The following ZNF525 variants were observed in gnomAD, a reference collection of about 807,000 sequenced individuals.
The protein encoded by ZNF525 is zinc finger protein 525.
Under a neutral mutation model 37.6 loss-of-function variants are expected in ZNF525, and 33 were observed. The observed-to-expected ratio is 0.88, with a 90% CI of 0.67 to 1.17. The LOEUF (loss-of-function observed/expected upper bound fraction) is 1.17. Ranked by LOEUF, ZNF525 falls within the 50% of genes most tolerant of loss-of-function variation. The probability of loss-of-function intolerance (pLI) is 0.00; values close to 1 mark genes in which losing one functional copy is unlikely to be tolerated. For synonymous variants in ZNF525, 170 were observed against 182.3 expected (o/e 0.93, Z 0.54); for missense variants, 449 against 543.1 (o/e 0.83, Z 1.72).
chr19:53,380,446 G>T (rs556858733), intron 3 of ZNF525, among the ~76,000 whole-genome samples: 4 of 152,068 alleles, frequency 2.6e-5, no homozygotes, highest in Non-Finnish European at 5.9e-5. Flanking sequence ...ACTTTTCATT[G>T]ATGTGACAGT....
intron 1 of ZNF525, among the ~76,000 whole-genome samples, chr19:53,371,581 C>G (rs1203869970): frequency 1.3e-5 from 2 of 152,154 alleles, no homozygotes; most frequent in South Asian, 2.1e-4. Context: ...GTTGACCATG[C>G]TGGTCTCAGA....
Position 53,382,512 on chromosome 19 carries a change from A to C in ZNF525, c.*493A>C. 2 of 681,150 alleles carry C rather than the reference A, an allele frequency of 2.9e-6. No homozygotes were observed. Among genetic ancestry groups the C allele is most frequent in the Non-Finnish European group, 5.5e-6 (2 of 364,598 alleles). 42.2% of individuals were successfully genotyped at this position (681,150 alleles called of 1,614,324 possible). On this transcript the variant is annotated 3_prime_UTR_variant, in exon 4 of 4. Transcript: ENST00000474037. The stretch of plus-strand genomic sequence containing the variant: ...GTGTAATGAGTGTGGCAAGACCTTC[A>C]GTAAGGAGTTAACACATGCCATCAT...
Position 53,382,500 on chromosome 19 carries a change from G to A in ZNF525, c.*481G>A. On this transcript the variant is annotated 3_prime_UTR_variant, in exon 4 of 4. Coordinates refer to ENST00000474037, the MANE Select transcript of ZNF525 (RefSeq NM_001348156.2). ...TAAATCTTATAAGTGTAATGAGTGT[G>A]GCAAGACCTTCAGTAAGGAGTTAAC... 1 of 693,850 alleles carries A rather than the reference G, an allele frequency of 1.4e-6. No individual in the cohort carries two copies. Among genetic ancestry groups the A allele is most frequent in the Non-Finnish European group, 2.7e-6 (1 of 374,110 alleles). The allele number at this position is 693,850 out of a possible 1,614,324, so 43.0% of individuals were successfully genotyped here.
rs538718131 is a variant in ZNF525 at position 53,381,530 on chromosome 19, T to C, written c.951T>C (p.His317=). 1.6e-6 allele frequency: 2 copies of C among 1,250,272 alleles called. No homozygotes were observed. Among genetic ancestry groups the C allele is most frequent in the South Asian group, 1.2e-5 (1 of 83,544 alleles). 77.4% of individuals were successfully genotyped at this position (1,250,272 alleles called of 1,614,324 possible). A position where few individuals can be genotyped will look rare whatever the true frequency, so the allele number is the denominator to read the frequency against. The change falls in exon 4 of 4, where the codon CAT becomes CAC. Residue 317 remains histidine (H), a synonymous_variant. Coordinates refer to ENST00000474037, the MANE Select transcript of ZNF525 (RefSeq NM_001348156.2). ...AFRHNSALQR[H]RRIHTGEKPH... ...GACACAATTCAGCCCTTCAAAGACA[T>C]AGGAGAATTCATACTGGAGAGAAAC...
chr19:53,381,896 C>T lies in ZNF525; in HGVS notation c.1317C>T (p.Tyr439=). Residue 439 remains tyrosine (Y), a synonymous_variant, in exon 4 of 4, where the codon TAC becomes TAT. Transcript: ENST00000474037. ...HRRIHNGEKL[Y]KCNECGKTFS... is the part of the protein sequence containing the mutation. ...GAATTCATAATGGAGAGAAACTGTA[C>T]AAATGTAATGAGTGTGGCAAGACCT... is the stretch of plus-strand genomic sequence containing the variant. 1.0e-6 allele frequency: 1 copy of T among 986,130 alleles called. No individual in the cohort carries two copies. 61.1% of individuals were successfully genotyped at this position (986,130 alleles called of 1,614,324 possible).
In ZNF525 at chr19:53,381,924, A is replaced by T. The variant is rs762943637; in HGVS notation, c.1345A>T (p.Ser449Cys). 3.4e-5 allele frequency: 33 copies of T among 968,644 alleles called. No homozygotes were observed. The South Asian group carries it at 3.7e-4, about 11-fold the overall frequency. 60.0% of individuals were successfully genotyped at this position (968,644 alleles called of 1,614,324 possible). Residue 449 changes from serine (S) to cysteine (C), a missense_variant, in exon 4 of 4, where the codon AGT (serine) becomes TGT (cysteine). Coordinates refer to ENST00000474037, the MANE Select transcript of ZNF525 (RefSeq NM_001348156.2). ...ATGTAATGAGTGTGGCAAGACCTTCAGTCAGGAGTTATCCCTTACCTGCCA... is the reference window on the plus strand; with the variant it reads ...ATGTAATGAGTGTGGCAAGACCTTCTGTCAGGAGTTATCCCTTACCTGCCA... ...YKCNECGKTF[S>C]QELSLTCHCR...
chr19:53,377,467 C>T (rs1441280222), intron 3 of ZNF525, among the ~76,000 whole-genome samples: 5 of 148,924 alleles, frequency 3.4e-5, no homozygotes, highest in South Asian at 2.2e-4. Context: ...TGAAAAACTG[C>T]GCCCGGCCTA....
intron 3 of ZNF525, chr19:53,376,387 T>C (rs1457275471): frequency 1.5e-6 from 1 of 689,566 alleles, no homozygotes; most frequent in Non-Finnish European, 2.6e-6. Flanking sequence ...ATTTGAAATA[T>C]TACTGATGCA....
At position 53,386,416 on chromosome 19, in the gene ZNF525, T is replaced by G. The variant is rs920194382; in HGVS notation, c.*4397T>G. ...AATTGCATGTGAGATGGCACACATA[T>G]TTATGCTGTCTGAGCATCACAATCA... On this transcript the variant is annotated 3_prime_UTR_variant, in exon 4 of 4. Coordinates refer to ENST00000474037, the MANE Select transcript of ZNF525 (RefSeq NM_001348156.2). 2 of 815,486 alleles carry G rather than the reference T, an allele frequency of 2.5e-6. No homozygotes were observed. Among genetic ancestry groups the G allele is most frequent in the Non-Finnish European group, 4.1e-6 (2 of 482,204 alleles). The allele number at this position is 815,486 out of a possible 1,614,324, so 50.5% of individuals were successfully genotyped here. A position where few individuals can be genotyped will look rare whatever the true frequency, so the allele number is the denominator to read the frequency against.
intron 2 of ZNF525, among the ~76,000 whole-genome samples, chr19:53,374,800 C>T (rs2085510503): frequency 6.6e-6 from 1 of 152,054 alleles, no homozygotes; most frequent in Non-Finnish European, 1.5e-5. Context: ...TTTTGTGAGT[C>T]TGTGTAGGTC....
At position 53,380,702 on chromosome 19, in the gene ZNF525, T is replaced by C. The variant is rs777995136; in HGVS notation, c.143-20T>C. On this transcript the variant is annotated intron_variant, in intron 3 of 3. Coordinates refer to ENST00000474037, the MANE Select transcript of ZNF525 (RefSeq NM_001348156.2). ...ATCAGTATTGTCTTTTGTGTACCTA[T>C]TAGTGTTTATATTTTGTAGGTATCT... 4 of 1,044,022 alleles carry C rather than the reference T, an allele frequency of 3.8e-6. No homozygotes were observed. The East Asian group carries it at 9.5e-5, about 25-fold the overall frequency. The allele number at this position is 1,044,022 out of a possible 1,614,324, so 64.7% of individuals were successfully genotyped here.
chr19:53,384,727 C>T lies in ZNF525; in HGVS notation c.*2708C>T. The T allele has an allele frequency of 2.2e-6, 1 of 446,952 alleles. No individual in the cohort carries two copies. The highest frequency in any genetic ancestry group is 4.0e-6 in the Non-Finnish European group (1 of 250,820). The allele number at this position is 446,952 out of a possible 1,614,324, so 27.7% of individuals were successfully genotyped here. ...TTTTCTACACAGAAGGTCATGTCGTCTACAAACAAATGTAATTTTACTTCT... is the reference window on the plus strand; with the variant it reads ...TTTTCTACACAGAAGGTCATGTCGTTTACAAACAAATGTAATTTTACTTCT... On this transcript the variant is annotated 3_prime_UTR_variant, in exon 4 of 4. Coordinates refer to ENST00000474037, the MANE Select transcript of ZNF525 (RefSeq NM_001348156.2).
chr19:53,373,496 TGCCATAAA>T (rs2085501688), intron 2 of ZNF525, among the ~76,000 whole-genome samples: 1 of 152,216 alleles, frequency 6.6e-6, no homozygotes, highest in Non-Finnish European at 1.5e-5. Context: ...TTATACCCTT[TGCCATAAA>T]GCATCTTCTT....
At position 53,380,972 on chromosome 19, in the gene ZNF525, T is replaced by C; in HGVS notation, c.393T>C (p.Ala131=). 1 of 1,590,954 alleles carries C rather than the reference T, an allele frequency of 6.3e-7. No homozygotes were observed. The highest frequency in any genetic ancestry group is 8.6e-7 in the Non-Finnish European group (1 of 1,158,972). ...GSTEQYDHRH[A]GNKPIKYQLG... Reference sequence around the variant, plus strand: ...CAGAGCAATATGATCACAGGCATGCTGGAAACAAGCCTATTAAATATCAGC... The same window carrying C: ...CAGAGCAATATGATCACAGGCATGCCGGAAACAAGCCTATTAAATATCAGC... Residue 131 remains alanine (A), a synonymous_variant, in exon 4 of 4, where the codon GCT becomes GCC. Coordinates refer to ENST00000474037, the MANE Select transcript of ZNF525 (RefSeq NM_001348156.2).
rs568839122 is a variant in ZNF525 at position 53,370,555 on chromosome 19, A to C, written c.-67-1660A>C. ...TGAGGGGCTAGACCAGAAAAGCTCA[A>C]CCCGAGTGACCCTGGCCCCTTAAAT... is the stretch of plus-strand genomic sequence containing the variant. On this transcript the variant is annotated intron_variant, in intron 1 of 3. Transcript: ENST00000474037. 5.9e-3 allele frequency among the ~76,000 whole-genome samples: 895 copies of C among 152,208 alleles called. 9 individuals are homozygous for C. Among genetic ancestry groups the C allele is most frequent in the African/African-American group, 0.021 (853 of 41,522 alleles).
chr19:53,383,627 ATC>A lies in ZNF525; in HGVS notation c.*1609_*1610del. ...GTCAACACTTATTCACCATCAGGCAATCCGTAGTGTAGGGAAACTTGACTAAC... is the reference window on the plus strand; with the variant it reads ...GTCAACACTTATTCACCATCAGGCAACGTAGTGTAGGGAAACTTGACTAAC... On this transcript the variant is annotated 3_prime_UTR_variant, in exon 4 of 4. Transcript: ENST00000474037. The A allele has an allele frequency of 7.9e-7, 1 of 1,263,416 alleles. No homozygotes were observed. The highest frequency in any genetic ancestry group is 1.1e-6 in the Non-Finnish European group (1 of 918,472). The allele number at this position is 1,263,416 out of a possible 1,614,324, so 78.3% of individuals were successfully genotyped here. A position where few individuals can be genotyped will look rare whatever the true frequency, so the allele number is the denominator to read the frequency against.
At chr19:53,366,761 G>C (rs1364568054) in intron 1 of ZNF525, among the ~76,000 whole-genome samples, 8 of 148,026 alleles carry the variant, frequency 5.4e-5, no homozygotes, top group Non-Finnish European at 1.0e-4. Flanking sequence ...ACAGCAGGGA[G>C]GACACCTGGG....
At position 53,384,068 on chromosome 19, in the gene ZNF525, C is replaced by T. The variant is rs2085587980; in HGVS notation, c.*2049C>T. On this transcript the variant is annotated 3_prime_UTR_variant, in exon 4 of 4. Coordinates refer to ENST00000474037, the MANE Select transcript of ZNF525 (RefSeq NM_001348156.2). ...AATTCATTTTTCAGGTAATTGTTCCCAATGCAATGAATATAGCAAACCATC... is the reference window on the plus strand; with the variant it reads ...AATTCATTTTTCAGGTAATTGTTCCTAATGCAATGAATATAGCAAACCATC... 2 of 512,400 alleles carry T rather than the reference C, an allele frequency of 3.9e-6. No individual in the cohort carries two copies. The highest frequency in any genetic ancestry group is 7.7e-6 in the Non-Finnish European group (2 of 260,372). The allele number at this position is 512,400 out of a possible 1,614,324, so 31.7% of individuals were successfully genotyped here.
rs1310495941 is a variant in ZNF525, at chr19:53,382,905, G to A, written c.*886G>A. 2.8e-6 allele frequency: 4 copies of A among 1,440,436 alleles called. No individual in the cohort carries two copies. Among genetic ancestry groups the A allele is most frequent in the African/African-American group, 2.8e-5 (2 of 71,258 alleles). The allele number at this position is 1,440,436 out of a possible 1,614,324, so 89.2% of individuals were successfully genotyped here. ...CATACTAGAGAGAAACCTTACAAGTGTAATGAGTGTGGTAAGATGTTCAGT... is the reference window on the plus strand; with the variant it reads ...CATACTAGAGAGAAACCTTACAAGTATAATGAGTGTGGTAAGATGTTCAGT... On this transcript the variant is annotated 3_prime_UTR_variant, in exon 4 of 4. Transcript: ENST00000474037.
Sources: allele counts gnomAD v4.1 joint callset (sites outside exome capture counted in the v4.1 genomes callset), GRCh38; gene constraint gnomAD v4.1.1; transcripts MANE v1.5; gene names NCBI Gene and HGNC (gene_info 2026-07-23, HGNC 2026-07-21).